Variants in CDKAL1 observed in about 807,000 individuals in gnomAD.
The protein encoded by CDKAL1 is threonylcarbamoyladenosine tRNA methylthiotransferase.
CDKAL1 carries 32 observed loss-of-function variants against 68.2 expected under a neutral mutation model. The ratio of observed to expected loss-of-function variants is 0.47; its 90% confidence interval spans 0.35 to 0.63. The LOEUF (loss-of-function observed/expected upper bound fraction) is 0.63, where lower values mean the gene tolerates loss of function less well. Ranked by LOEUF, CDKAL1 falls within the 30% of genes least tolerant of loss-of-function variation. The pLI is 0.00. For synonymous variants in CDKAL1, 234 were observed against 244.3 expected, an observed-to-expected ratio of 0.96 and a Z score of 0.39; for missense variants, 606 against 696.7, an observed-to-expected ratio of 0.87 and a Z score of 1.47.
At chr6:21,142,673 T>C (rs896482210) in intron 13 of CDKAL1, among the ~76,000 whole-genome samples, 12 of 152,278 alleles carry the variant, frequency 7.9e-5, no homozygotes, top group African/African-American at 2.9e-4. Flanking sequence ...ACCAAAAGCA[T>C]GGACCAAAGT....
At chr6:20,748,751 A>G (rs932933800) in intron 6 of CDKAL1, among the ~76,000 whole-genome samples, 2 of 138,780 alleles carry the variant, frequency 1.4e-5, no homozygotes, top group African/African-American at 5.7e-5. Context: ...ACACTGGGGA[A>G]AGGATAGTCT....
intron 4 of CDKAL1, among the ~76,000 whole-genome samples, chr6:20,635,008 A>G (rs1434792792): frequency 6.6e-6 from 1 of 151,930 alleles, no homozygotes; most frequent in Non-Finnish European, 1.5e-5. Context: ...AGAAGAAAGA[A>G]AAAAAGGATG....
intron 10 of CDKAL1, among the ~76,000 whole-genome samples, chr6:20,982,577 G>T (rs1247625123): frequency 6.8e-6 from 1 of 147,088 alleles, no homozygotes; most frequent in African/African-American, 2.5e-5. Flanking sequence ...AAAAATAAAA[G>T]ACAAAAAACC....
intron 15 of CDKAL1, among the ~76,000 whole-genome samples, chr6:21,227,098 A>G (rs1237784837): frequency 1.3e-5 from 2 of 152,236 alleles, no homozygotes; most frequent in Admixed American, 1.3e-4. Context: ...GGAATTGACA[A>G]TCTTGATAAG....
chr6:20,957,519 A>T (rs1323685576), intron 10 of CDKAL1, among the ~76,000 whole-genome samples: 2 of 152,214 alleles, frequency 1.3e-5, no homozygotes, highest in Non-Finnish European at 2.9e-5. Flanking sequence ...ACAAGTTTTG[A>T]TGGTCATGAC....
chr6:20,804,955 T>C (rs1159082561), intron 8 of CDKAL1, among the ~76,000 whole-genome samples: 3 of 152,108 alleles, frequency 2.0e-5, no homozygotes, highest in African/African-American at 7.2e-5. Flanking sequence ...AGCCCAGGTG[T>C]TTGAGGTTGC....
intron 5 of CDKAL1, among the ~76,000 whole-genome samples, chr6:20,657,873 C>G (rs1263781938): frequency 1.3e-5 from 2 of 152,068 alleles, no homozygotes; most frequent in Non-Finnish European, 2.9e-5. Context: ...TAGAAAGAAT[C>G]GCTAGGAAGC....
intron 15 of CDKAL1, among the ~76,000 whole-genome samples, chr6:21,202,292 GT>G (rs1355183362): frequency 1.3e-5 from 2 of 152,082 alleles, no homozygotes; most frequent in East Asian, 3.9e-4. Flanking sequence ...TACTGGAATG[GT>G]ATAGACCAGC....
chr6:20,763,506 C>T (rs1054203242), intron 7 of CDKAL1, among the ~76,000 whole-genome samples: 2 of 152,180 alleles, frequency 1.3e-5, no homozygotes, highest in African/African-American at 2.4e-5. Flanking sequence ...TGTGGAGAAG[C>T]AAGGCTCTGC....
chr6:20,581,343 A>G (rs62400065), intron 4 of CDKAL1, among the ~76,000 whole-genome samples: 2,494 of 152,334 alleles, frequency 0.016, 32 homozygotes, highest in Middle Eastern at 0.031. Flanking sequence ...CATGCAATAT[A>G]CACTTAGAGT....
At chr6:21,072,404 G>A (rs984836260) in intron 12 of CDKAL1, among the ~76,000 whole-genome samples, 1 of 151,556 alleles carries the variant, frequency 6.6e-6, no homozygotes, top group Non-Finnish European at 1.5e-5. Context: ...AATTGTTCTT[G>A]GCAAGAACAT....
chr6:20,885,659 C>A (rs1761031733), intron 9 of CDKAL1, among the ~76,000 whole-genome samples: 1 of 152,138 alleles, frequency 6.6e-6, no homozygotes. Flanking sequence ...ATAAATTTGA[C>A]TTCATCAGAC....
intron 13 of CDKAL1, among the ~76,000 whole-genome samples, chr6:21,166,287 G>T (rs1053167191): frequency 3.9e-5 from 6 of 152,154 alleles, no homozygotes; most frequent in African/African-American, 1.4e-4. Context: ...GTGCAGAGAG[G>T]TGGGAATTGT....
intron 11 of CDKAL1, among the ~76,000 whole-genome samples, chr6:21,019,804 C>T (rs1464466994): frequency 6.6e-6 from 1 of 152,120 alleles, no homozygotes; most frequent in African/African-American, 2.4e-5. Context: ...TGCTCACAAG[C>T]CACTAGGAGA....
At chr6:20,746,275 G>A (rs1346416169) in intron 6 of CDKAL1, among the ~76,000 whole-genome samples, 1 of 152,156 alleles carries the variant, frequency 6.6e-6, no homozygotes, top group Non-Finnish European at 1.5e-5. Flanking sequence ...AGTGTTATGA[G>A]GAATGTACTG....
chr6:20,573,062 G>C (rs945769630), intron 4 of CDKAL1, among the ~76,000 whole-genome samples: 1 of 152,132 alleles, frequency 6.6e-6, no homozygotes, highest in Non-Finnish European at 1.5e-5. Context: ...TTAGCTTGTA[G>C]CCAGAGTCTC....
chr6:21,228,524 TCACAGGA>T (rs1471648772), intron 15 of CDKAL1, among the ~76,000 whole-genome samples: 1 of 152,230 alleles, frequency 6.6e-6, no homozygotes, highest in Non-Finnish European at 1.5e-5. Flanking sequence ...CCTGAATGTA[TCACAGGA>T]CACATTGATC....
At chr6:20,557,471 A>G (rs1764101490) in intron 4 of CDKAL1, among the ~76,000 whole-genome samples, 1 of 152,216 alleles carries the variant, frequency 6.6e-6, no homozygotes, top group Admixed American at 6.5e-5. Context: ...ATTAAAATAG[A>G]AACTATTTCT....
intron 10 of CDKAL1, among the ~76,000 whole-genome samples, chr6:20,983,873 A>G (rs1012712158): frequency 7.9e-5 from 12 of 152,130 alleles, no homozygotes; most frequent in African/African-American, 2.4e-5. Context: ...CTTTATGCAA[A>G]TTAGTTTGTG....
Sources: gnomAD v4.1 joint callset for allele counts (sites outside exome capture counted in the v4.1 genomes callset) on GRCh38, gnomAD v4.1.1 for gene constraint, MANE v1.5 for transcripts, NCBI Gene and HGNC (gene_info 2026-07-23, HGNC 2026-07-21) for gene names.